Variants in MFSD11 observed in about 807,000 individuals in gnomAD.
MFSD11 encodes UNC93-like protein MFSD11.
A neutral mutation model predicts 53.5 loss-of-function variants in MFSD11; 36 were observed. That is an observed-to-expected ratio of 0.67 (90% CI 0.52 to 0.89). MFSD11 has a LOEUF of 0.89. Ranked by LOEUF, MFSD11 falls within the 40% of genes least tolerant of loss-of-function variation. The pLI, the probability that MFSD11 is intolerant of heterozygous loss-of-function variation, is 0.00. For missense variants in MFSD11, 530 were observed against 543.9 expected (o/e 0.97, Z 0.25); for synonymous variants, 186 against 184.9 (o/e 1.01, Z -0.05).
At chr17:76,743,096 G>A (rs1051372290) in intron 5 of MFSD11, among the ~76,000 whole-genome samples, 6 of 152,136 alleles carry the variant, frequency 3.9e-5, no homozygotes, top group African/African-American at 1.4e-4. Context: ...TTATTTCCAG[G>A]GAGTCATTTC....
intron 8 of MFSD11, among the ~76,000 whole-genome samples, chr17:76,766,541 TG>T (rs2080876350): frequency 6.6e-6 from 1 of 152,204 alleles, no homozygotes; most frequent in Non-Finnish European, 1.5e-5. Context: ...TGTATTTTTT[TG>T]CTGGAAATAC....
At chr17:76,802,096 C>T in the MFSD11 span, among the ~76,000 whole-genome samples, 1 of 151,772 alleles carries the variant, frequency 6.6e-6, no homozygotes, top group East Asian at 1.9e-4. Flanking sequence ...TGGTGAAAGC[C>T]CATCTCTACT....
the MFSD11 span, among the ~76,000 whole-genome samples, chr17:76,800,952 C>T: frequency 6.6e-6 from 1 of 151,990 alleles, no homozygotes; most frequent in Non-Finnish European, 1.5e-5. Flanking sequence ...CAGCACGTGC[C>T]TGTGATCCCA....
intron 2 of MFSD11, among the ~76,000 whole-genome samples, chr17:76,739,691 A>G (rs969871779): frequency 1.3e-5 from 2 of 152,184 alleles, no homozygotes; most frequent in Non-Finnish European, 2.9e-5. Flanking sequence ...TAATTTCTCT[A>G]GAGTTAGAGA....
At chr17:76,765,620 G>T (rs2080778778) in intron 8 of MFSD11, among the ~76,000 whole-genome samples, 1 of 151,804 alleles carries the variant, frequency 6.6e-6, no homozygotes, top group African/African-American at 2.4e-5. Flanking sequence ...GCACCACCAT[G>T]CCTGGCTAAT....
At chr17:76,751,522 C>T (rs555573932) in intron 7 of MFSD11, among the ~76,000 whole-genome samples, 132 of 151,664 alleles carry the variant, frequency 8.7e-4, no homozygotes, top group South Asian at 4.0e-3. Context: ...GGAATACTGT[C>T]TCTGCAAAAA....
chr17:76,742,097 C>G lies in MFSD11; in HGVS notation c.340+49C>G, dbSNP rs199715938. The G allele has an allele frequency of 8.6e-5, 139 of 1,613,898 alleles. No homozygotes were observed. In the African/African-American group the frequency reaches 1.6e-3, roughly 19 times the overall value. Reference sequence around the variant, plus strand: ...CTCTGCTTTCTTTTCTGGGGCCTATCTAAGGGTATTATTTATGTGTTTAGT... The same window carrying G: ...CTCTGCTTTCTTTTCTGGGGCCTATGTAAGGGTATTATTTATGTGTTTAGT... On this transcript the variant is annotated intron_variant, in intron 4 of 12. Transcript: ENST00000685175.
intron 5 of MFSD11, among the ~76,000 whole-genome samples, chr17:76,742,886 C>A (rs1294661144): frequency 6.6e-6 from 1 of 152,100 alleles, no homozygotes; most frequent in Admixed American, 6.6e-5. Flanking sequence ...GAGGAATCAC[C>A]CTCATGAATC....
downstream of MFSD11, among the ~76,000 whole-genome samples, chr17:76,783,641 C>T (rs1043696064): frequency 6.6e-6 from 1 of 152,198 alleles, no homozygotes; most frequent in African/African-American, 2.4e-5. Context: ...TCACTGCAAC[C>T]TCTGCCTCCC....
the MFSD11 span, among the ~76,000 whole-genome samples, chr17:76,789,207 G>T: frequency 1.3e-5 from 2 of 149,914 alleles, 1 homozygote; most frequent in East Asian, 3.9e-4. Flanking sequence ...CTTGGAAGAG[G>T]GTCAAGTGGG....
At chr17:76,784,548 A>G (rs561967709), downstream of MFSD11, among the ~76,000 whole-genome samples, 45 of 151,410 alleles carry the variant, frequency 3.0e-4, no homozygotes, top group Non-Finnish European at 5.3e-4. Context: ...AAAAGAATGG[A>G]TAAACAAAAT....
chr17:76,764,428 G>A (rs889696691), intron 8 of MFSD11, among the ~76,000 whole-genome samples: 1 of 151,934 alleles, frequency 6.6e-6, no homozygotes, highest in Non-Finnish European at 1.5e-5. Context: ...CTCCAGCCCC[G>A]GCAACCACTA....
At chr17:76,745,001 G>A (rs2078412153) in intron 7 of MFSD11, among the ~76,000 whole-genome samples, 1 of 152,158 alleles carries the variant, frequency 6.6e-6, no homozygotes, top group African/African-American at 2.4e-5. Flanking sequence ...ATAGGGGAAT[G>A]AGTATACAAC....
At chr17:76,737,468 C>G (rs1011130763), upstream of MFSD11, 1 of 363,960 alleles carries the variant, frequency 2.7e-6, no homozygotes, top group African/African-American at 2.1e-5. Context: ...CGCCCCTACC[C>G]GAAGCGCCTG....
upstream of MFSD11, chr17:76,737,289 A>T (rs535264293): frequency 1.2e-5 from 16 of 1,301,194 alleles, no homozygotes; most frequent in East Asian, 1.0e-4. Flanking sequence ...GCCGCAGAAC[A>T]GCACGGACGG....
At chr17:76,784,199 T>C (rs1259732027), downstream of MFSD11, among the ~76,000 whole-genome samples, 1 of 152,170 alleles carries the variant, frequency 6.6e-6, no homozygotes, top group Non-Finnish European at 1.5e-5. Context: ...TTATTCACAA[T>C]AGCCAAAAAG....
At chr17:76,761,765 A>G (rs745593533) in intron 8 of MFSD11, among the ~76,000 whole-genome samples, 32 of 152,210 alleles carry the variant, frequency 2.1e-4, no homozygotes, top group Non-Finnish European at 3.8e-4. Flanking sequence ...TACTAAAAAT[A>G]CAAAAATTAG....
At chr17:76,797,788 G>A in the MFSD11 span, among the ~76,000 whole-genome samples, 9,565 of 151,974 alleles carry the variant, frequency 0.063, 1,009 homozygotes, top group African/African-American at 0.21. Flanking sequence ...AATCCAGGCC[G>A]TCCATACTTC....
chr17:76,737,232 G>T (rs892991613), upstream of MFSD11: 6 of 1,460,672 alleles, frequency 4.1e-6, no homozygotes, highest in African/African-American at 1.4e-5. Flanking sequence ...GCGACGCCGC[G>T]CCTCTCAGGC....
Sources: allele counts gnomAD v4.1 joint callset (sites outside exome capture counted in the v4.1 genomes callset), GRCh38; gene constraint gnomAD v4.1.1; transcripts MANE v1.5; gene names NCBI Gene and HGNC (gene_info 2026-07-23, HGNC 2026-07-21).